The following SUGCT variants were observed in gnomAD, a reference collection of about 807,000 sequenced individuals.
SUGCT encodes the protein succinyl-CoA:glutarate CoA-transferase.
In SUGCT, 41 loss-of-function variants were observed where a neutral mutation model predicts 55.0. The ratio of observed to expected loss-of-function variants is 0.74; its 90% CI spans 0.58 to 0.97. The LOEUF (loss-of-function observed/expected upper bound fraction) is 0.97, where lower values mean the gene tolerates loss of function less well. SUGCT is among the 50% of genes least tolerant of loss of function. SUGCT has a pLI of 0.00. For synonymous variants in SUGCT, 187 were observed against 200.4 expected (o/e 0.93, Z 0.56); for missense variants, 568 against 547.8 (o/e 1.04, Z -0.37).
chr7:40,234,908 CAAAAAAAAGAAAAAAGAA>C (rs1242472419), intron 6 of SUGCT, among the ~76,000 whole-genome samples: 2 of 139,340 alleles, frequency 1.4e-5, no homozygotes, highest in Non-Finnish European at 3.1e-5. Flanking sequence ...GACCCAGTTT[CAAAAAAAAGAAAAAAGAA>C]AAAAAAAAGA....
At chr7:40,617,943 T>A (rs1799088197) in intron 12 of SUGCT, among the ~76,000 whole-genome samples, 1 of 152,166 alleles carries the variant, frequency 6.6e-6, no homozygotes, top group African/African-American at 2.4e-5. Context: ...TCTACATAAT[T>A]GAGAGAAAAA....
At chr7:40,931,227 T>C in the SUGCT span, among the ~76,000 whole-genome samples, 1 of 152,220 alleles carries the variant, frequency 6.6e-6, no homozygotes, top group Admixed American at 6.5e-5. Flanking sequence ...ATTACATTTA[T>C]TGATTTACAT....
At chr7:40,521,016 A>C (rs1021707999) in intron 12 of SUGCT, among the ~76,000 whole-genome samples, 1 of 151,538 alleles carries the variant, frequency 6.6e-6, no homozygotes, top group Non-Finnish European at 1.5e-5. Flanking sequence ...TGTAATTCTC[A>C]TACACTGGGG....
chr7:40,936,880 C>T, the SUGCT span, among the ~76,000 whole-genome samples: 40 of 151,910 alleles, frequency 2.6e-4, 2 homozygotes, highest in Non-Finnish European at 4.4e-5. Context: ...GGATGTGTTG[C>T]TTTATTTCCA....
At chr7:40,249,146 G>T (rs2150923087) in intron 7 of SUGCT, among the ~76,000 whole-genome samples, 1 of 151,156 alleles carries the variant, frequency 6.6e-6, no homozygotes, top group South Asian at 2.1e-4. Context: ...TAAAAAATTT[G>T]CCAGGTGGTG....
chr7:40,703,882 C>A (rs956077675), intron 12 of SUGCT, among the ~76,000 whole-genome samples: 1 of 152,140 alleles, frequency 6.6e-6, no homozygotes, highest in African/African-American at 2.4e-5. Flanking sequence ...CCAGTCCATT[C>A]GAAGAGAAGG....
At position 40,149,100 on chromosome 7, in the gene SUGCT, G is replaced by A. The variant is rs1788415776; in HGVS notation, c.100+13980G>A. 2.0e-5 allele frequency among the ~76,000 whole-genome samples: 3 copies of A among 152,096 alleles called. No individual in the cohort carries two copies. In the South Asian group the frequency reaches 6.2e-4, roughly 32 times the overall value. On this transcript the variant is annotated intron_variant, in intron 1 of 13. Transcript: ENST00000335693. ...TTCTCCTTTAGTTCAGCATGTCAATGTGCCATATTTTGGGGTCTCAGTTTT... is the reference window on the plus strand; with the variant it reads ...TTCTCCTTTAGTTCAGCATGTCAATATGCCATATTTTGGGGTCTCAGTTTT...
chr7:40,974,157 ACT>A, the SUGCT span, among the ~76,000 whole-genome samples: 1 of 152,050 alleles, frequency 6.6e-6, no homozygotes, highest in African/African-American at 2.4e-5. Context: ...AAGAAAAGTG[ACT>A]CTATTTTTCT....
At chr7:40,653,214 T>C (rs1800863129) in intron 12 of SUGCT, among the ~76,000 whole-genome samples, 1 of 152,208 alleles carries the variant, frequency 6.6e-6, no homozygotes, top group African/African-American at 2.4e-5. Flanking sequence ...CAGATCCTGG[T>C]CTAGCACCTG....
intron 1 of SUGCT, among the ~76,000 whole-genome samples, chr7:40,145,569 T>A (rs1367233381): frequency 1.3e-5 from 2 of 152,154 alleles, no homozygotes; most frequent in Non-Finnish European, 2.9e-5. Flanking sequence ...TTCCTTCATG[T>A]CTGTGGACTA....
intron 12 of SUGCT, among the ~76,000 whole-genome samples, chr7:40,557,142 A>G (rs1795597315): frequency 6.6e-6 from 1 of 152,224 alleles, no homozygotes; most frequent in Non-Finnish European, 1.5e-5. Context: ...GGACAAGCAT[A>G]TATAGACTAA....
intron 8 of SUGCT, among the ~76,000 whole-genome samples, chr7:40,296,049 A>T (rs903610434): frequency 1.4e-4 from 22 of 152,216 alleles, no homozygotes; most frequent in African/African-American, 5.3e-4. Flanking sequence ...AGTACCCTAT[A>T]TGATGATAAT....
intron 1 of SUGCT, among the ~76,000 whole-genome samples, chr7:40,154,811 T>A (rs1244090742): frequency 1.3e-5 from 2 of 152,222 alleles, no homozygotes; most frequent in Non-Finnish European, 2.9e-5. Context: ...GAACAATGTT[T>A]GCCCCATAAG....
the SUGCT span, among the ~76,000 whole-genome samples, chr7:40,934,576 C>G: frequency 6.6e-6 from 1 of 152,216 alleles, no homozygotes; most frequent in Admixed American, 6.5e-5. Context: ...GTAGGCCTTG[C>G]TGAACTGTGG....
chr7:40,805,648 C>T (rs748130308), intron 13 of SUGCT, among the ~76,000 whole-genome samples: 1 of 152,204 alleles, frequency 6.6e-6, no homozygotes, highest in African/African-American at 2.4e-5. Flanking sequence ...TTGGGGCTCT[C>T]CACTTCAACC....
intron 12 of SUGCT, among the ~76,000 whole-genome samples, chr7:40,545,011 T>G (rs1794915942): frequency 6.6e-6 from 1 of 152,174 alleles, no homozygotes; most frequent in Non-Finnish European, 1.5e-5. Context: ...TCCAATCACA[T>G]TCCCACAACA....
At chr7:40,241,107 A>C (rs908380144) in intron 7 of SUGCT, among the ~76,000 whole-genome samples, 12 of 152,326 alleles carry the variant, frequency 7.9e-5, no homozygotes, top group Middle Eastern at 6.8e-3. Context: ...TTTGATGAGA[A>C]AATACATTAT....
At chr7:40,705,107 A>G (rs1225635515) in intron 12 of SUGCT, among the ~76,000 whole-genome samples, 1 of 152,130 alleles carries the variant, frequency 6.6e-6, no homozygotes, top group Non-Finnish European at 1.5e-5. Flanking sequence ...TTCCTTGCCC[A>G]CACCAAGTTC....
intron 13 of SUGCT, among the ~76,000 whole-genome samples, chr7:40,849,212 T>A (rs1292952316): frequency 6.6e-6 from 1 of 152,164 alleles, no homozygotes; most frequent in Non-Finnish European, 1.5e-5. Context: ...TTTAAGAAGT[T>A]GATGATACCC....
Sources: gnomAD v4.1 joint callset for allele counts (sites outside exome capture counted in the v4.1 genomes callset) on GRCh38, gnomAD v4.1.1 for gene constraint, MANE v1.5 for transcripts, NCBI Gene and HGNC (gene_info 2026-07-23, HGNC 2026-07-21) for gene names.